GPC6: variants seen among roughly 807,000 people sequenced by gnomAD.
The protein encoded by GPC6 is glypican 6.
A neutral mutation model predicts 55.2 loss-of-function variants in GPC6; 14 were observed. That is an observed-to-expected ratio of 0.25 (90% confidence interval 0.17 to 0.40). The LOEUF (loss-of-function observed/expected upper bound fraction) is 0.40, where lower values mean the gene tolerates loss of function less well. Among genes scored for constraint, GPC6 ranks in the 10% least tolerant of loss-of-function variants. The probability of loss-of-function intolerance (pLI) is 1.00; values close to 1 mark genes in which losing one functional copy is unlikely to be tolerated. For missense variants in GPC6, 641 were observed against 708.5 expected (o/e 0.90, Z 1.08); for synonymous variants, 278 against 259.6 (o/e 1.07, Z -0.68).
At chr13:93,850,728 A>G (rs1156257100) in intron 3 of GPC6, among the ~76,000 whole-genome samples, 1 of 151,994 alleles carries the variant, frequency 6.6e-6, no homozygotes. Context: ...TAGACCAGAA[A>G]TAGGAGATAC....
chr13:94,273,541 T>C (rs1286465112), intron 4 of GPC6, among the ~76,000 whole-genome samples: 1 of 152,200 alleles, frequency 6.6e-6, no homozygotes, highest in Non-Finnish European at 1.5e-5. Flanking sequence ...TCACCTATGT[T>C]TTCTCCTTCA....
intron 2 of GPC6, among the ~76,000 whole-genome samples, chr13:93,703,702 T>C (rs1199989110): frequency 6.6e-6 from 1 of 151,938 alleles, no homozygotes; most frequent in Non-Finnish European, 1.5e-5. Context: ...TTAAAAATGG[T>C]AAATGCTATA....
intron 1 of GPC6, among the ~76,000 whole-genome samples, chr13:93,230,352 G>A (rs1875963921): frequency 1.3e-5 from 2 of 152,136 alleles, no homozygotes; most frequent in African/African-American, 4.8e-5. Flanking sequence ...CAACAGATGA[G>A]GAAGTATCAC....
At chr13:94,346,719 CAAA>C (rs35478457) in intron 6 of GPC6, among the ~76,000 whole-genome samples, 8 of 114,074 alleles carry the variant, frequency 7.0e-5, no homozygotes, top group Non-Finnish European at 7.3e-5. Flanking sequence ...AGACTCCTCT[CAAA>C]AAAAAAAAAA....
At chr13:93,723,152 T>C (rs753215493) in intron 2 of GPC6, among the ~76,000 whole-genome samples, 5 of 151,998 alleles carry the variant, frequency 3.3e-5, no homozygotes, top group Non-Finnish European at 5.9e-5. Context: ...CTTTACTTTT[T>C]AAAATCCCCT....
intron 2 of GPC6, among the ~76,000 whole-genome samples, chr13:93,771,555 A>T (rs573303780): frequency 6.6e-6 from 1 of 152,272 alleles, no homozygotes; most frequent in African/African-American, 2.4e-5. Context: ...GTTCACAACA[A>T]GCTGTGCAGT....
At chr13:94,362,253 C>CTATT in intron 6 of GPC6, among the ~76,000 whole-genome samples, 1 of 152,266 alleles carries the variant, frequency 6.6e-6, no homozygotes, top group African/African-American at 2.4e-5. Flanking sequence ...TAGAATTTGG[C>CTATT]TATTATACAT....
At chr13:94,224,575 A>T (rs959251069) in intron 4 of GPC6, among the ~76,000 whole-genome samples, 11 of 152,032 alleles carry the variant, frequency 7.2e-5, no homozygotes, top group African/African-American at 1.2e-4. Flanking sequence ...CATAAGGTGG[A>T]TGGATGCCTG....
rs1173010352 is a variant in GPC6 at position 93,390,446 on chromosome 13, G to A, written c.161-154817G>A. ...GAAAAGGTAATGGGACCTCAATATA[G>A]TGTACTCTAGAGACCCAGCTGAAGT... is the stretch of plus-strand genomic sequence containing the variant. On this transcript the variant is annotated intron_variant, in intron 1 of 8. Coordinates refer to ENST00000377047, the MANE Select transcript of GPC6 (RefSeq NM_005708.5). 5.3e-5 allele frequency among the ~76,000 whole-genome samples: 8 copies of A among 152,194 alleles called. No homozygotes were observed. The South Asian group carries it at 1.0e-3, about 20-fold the overall frequency.
intron 4 of GPC6, among the ~76,000 whole-genome samples, chr13:94,174,308 A>C (rs1482899041): frequency 1.3e-5 from 2 of 152,172 alleles, no homozygotes; most frequent in South Asian, 4.1e-4. Context: ...AGGGGAAAAA[A>C]TAAGAATGTT....
At chr13:93,267,200 A>G (rs1417158139) in intron 1 of GPC6, among the ~76,000 whole-genome samples, 1 of 152,154 alleles carries the variant, frequency 6.6e-6, no homozygotes, top group East Asian at 1.9e-4. Context: ...TAGGATCTTG[A>G]TGAATTCAAG....
chr13:93,710,508 G>A (rs1255488869), intron 2 of GPC6, among the ~76,000 whole-genome samples: 2 of 151,768 alleles, frequency 1.3e-5, no homozygotes, highest in Non-Finnish European at 2.9e-5. Flanking sequence ...GTATGTGTAG[G>A]AGAGCAAAAC....
At chr13:93,578,634 ATTTGT>A (rs1876787597) in intron 2 of GPC6, among the ~76,000 whole-genome samples, 3 of 139,432 alleles carry the variant, frequency 2.2e-5, no homozygotes, top group Middle Eastern at 3.8e-3. Context: ...AAAAAACTAC[ATTTGT>A]TTTGTTTTTT....
At chr13:93,542,550 A>G (rs1264702933) in intron 1 of GPC6, among the ~76,000 whole-genome samples, 1 of 152,130 alleles carries the variant, frequency 6.6e-6, no homozygotes, top group African/African-American at 2.4e-5. Context: ...GTTTTTTCCA[A>G]TTCTGTGAAG....
At chr13:93,777,520 A>G (rs1049419044) in intron 2 of GPC6, among the ~76,000 whole-genome samples, 1 of 152,158 alleles carries the variant, frequency 6.6e-6, no homozygotes, top group African/African-American at 2.4e-5. Context: ...TTAGAGATTC[A>G]TTTGGTTTTA....
intron 1 of GPC6, among the ~76,000 whole-genome samples, chr13:93,447,143 T>G (rs1322222185): frequency 6.6e-6 from 1 of 152,162 alleles, no homozygotes; most frequent in Non-Finnish European, 1.5e-5. Flanking sequence ...TGAAACTTGA[T>G]TCTAGCTGTC....
At chr13:93,311,818 T>TGA (rs1160545147) in intron 1 of GPC6, among the ~76,000 whole-genome samples, 1 of 152,170 alleles carries the variant, frequency 6.6e-6, no homozygotes, top group Non-Finnish European at 1.5e-5. Flanking sequence ...AGACTCATAC[T>TGA]TCAAGAATCA....
At chr13:93,583,338 T>TTGTGTGTGTGTGTGTGTGTGTG (rs34034260) in intron 2 of GPC6, among the ~76,000 whole-genome samples, 12 of 151,564 alleles carry the variant, frequency 7.9e-5, no homozygotes, top group African/African-American at 2.9e-4. Context: ...GTAATGCACA[T>TTGTGTGTGTGTGTGTGTGTGTG]TGTGTGTGTG....
chr13:93,415,933 G>C (rs1876681224), intron 1 of GPC6, among the ~76,000 whole-genome samples: 1 of 151,986 alleles, frequency 6.6e-6, no homozygotes. Context: ...TTATATATTT[G>C]ATATGTTCAG....
Sources: gnomAD v4.1 joint callset for allele counts (sites outside exome capture counted in the v4.1 genomes callset) on GRCh38, gnomAD v4.1.1 for gene constraint, MANE v1.5 for transcripts, NCBI Gene and HGNC (gene_info 2026-07-23, HGNC 2026-07-21) for gene names.